The following SEC24D variants were observed in gnomAD, a reference collection of about 807,000 sequenced individuals.
SEC24D encodes the protein protein transport protein Sec24D.
SEC24D carries 69 observed loss-of-function variants against 116.9 expected under a neutral mutation model. The ratio of observed to expected loss-of-function variants is 0.59; its 90% CI spans 0.49 to 0.72. SEC24D has a LOEUF of 0.72. Ranked by LOEUF, SEC24D falls within the 30% of genes least tolerant of loss-of-function variation. The pLI is 0.00. For missense variants in SEC24D, 1,131 were observed against 1,264.1 expected (o/e 0.89, Z 1.60); for synonymous variants, 405 against 442.8 (o/e 0.91, Z 1.07).
intron 11 of SEC24D, among the ~76,000 whole-genome samples, chr4:118,757,031 A>G (rs992649582): frequency 2.0e-5 from 3 of 152,074 alleles, no homozygotes; most frequent in Admixed American, 6.6e-5. Flanking sequence ...GTAACTTTAT[A>G]TTTCTTATGG....
At chr4:118,769,300 T>C (rs1727788843) in intron 8 of SEC24D, among the ~76,000 whole-genome samples, 1 of 152,194 alleles carries the variant, frequency 6.6e-6, no homozygotes, top group Admixed American at 6.5e-5. Flanking sequence ...GATACATCTT[T>C]TACAGTTTAA....
chr4:118,811,258 T>C (rs1729910828), intron 6 of SEC24D, among the ~76,000 whole-genome samples: 1 of 152,210 alleles, frequency 6.6e-6, no homozygotes, highest in African/African-American at 2.4e-5. Context: ...AAGGAAAGCT[T>C]CTTTTATTAA....
intron 8 of SEC24D, among the ~76,000 whole-genome samples, chr4:118,768,672 G>A (rs939924984): frequency 3.3e-5 from 5 of 152,222 alleles, no homozygotes; most frequent in Non-Finnish European, 7.3e-5. Context: ...TGGGATTACA[G>A]GCGTAAGCCA....
intron 6 of SEC24D, among the ~76,000 whole-genome samples, chr4:118,810,933 G>A (rs1578463081): frequency 6.6e-6 from 1 of 152,076 alleles, no homozygotes; most frequent in Non-Finnish European, 1.5e-5. Flanking sequence ...GCAAATGGGT[G>A]GAATCCCAGA....
intron 7 of SEC24D, among the ~76,000 whole-genome samples, chr4:118,801,239 G>A (rs1729430151): frequency 1.3e-5 from 2 of 151,022 alleles, no homozygotes; most frequent in South Asian, 4.2e-4. Flanking sequence ...TCCAGCCTGG[G>A]CGACAGAGCA....
At chr4:118,824,153 T>C (rs184011151) in intron 3 of SEC24D, among the ~76,000 whole-genome samples, 19 of 152,290 alleles carry the variant, frequency 1.2e-4, no homozygotes, top group African/African-American at 4.6e-4. Context: ...ATAACTTTTC[T>C]TGTTTTTTTT....
intron 8 of SEC24D, among the ~76,000 whole-genome samples, chr4:118,790,133 G>C (rs757926464): frequency 1.3e-5 from 2 of 152,150 alleles, no homozygotes; most frequent in Non-Finnish European, 2.9e-5. Context: ...GAGTAAGGAG[G>C]GGATTAAAAC....
chr4:118,775,585 G>A (rs956432416), intron 8 of SEC24D, among the ~76,000 whole-genome samples: 1 of 152,058 alleles, frequency 6.6e-6, no homozygotes, highest in Non-Finnish European at 1.5e-5. Context: ...ATTTTGAGGA[G>A]AGCCTTCAAA....
intron 8 of SEC24D, among the ~76,000 whole-genome samples, chr4:118,769,179 C>CA (rs1450536080): frequency 6.6e-6 from 1 of 152,054 alleles, no homozygotes; most frequent in Non-Finnish European, 1.5e-5. Flanking sequence ...GTTAGTTTAT[C>CA]AGAAAAAAAC....
chr4:118,765,922 A>C (rs997187756), intron 9 of SEC24D, among the ~76,000 whole-genome samples: 2 of 152,144 alleles, frequency 1.3e-5, no homozygotes, highest in Non-Finnish European at 2.9e-5. Context: ...TCTTATGCAC[A>C]TATGGATCTC....
At chr4:118,831,984 C>T (rs912588485) in intron 2 of SEC24D, among the ~76,000 whole-genome samples, 5 of 152,132 alleles carry the variant, frequency 3.3e-5, no homozygotes, top group Admixed American at 6.5e-5. Flanking sequence ...GGGTGGATCA[C>T]GTGAGGTCAG....
intron 17 of SEC24D, 48 bp downstream of exon 17, chr4:118,740,615 T>C: frequency 6.3e-7 from 1 of 1,599,840 alleles, no homozygotes; most frequent in Non-Finnish European, 8.6e-7. Context: ...CTGATCATTG[T>C]CGGCAACAAA....
At position 118,723,984 on chromosome 4, in the gene SEC24D, C is replaced by G. The variant is rs1375818454; in HGVS notation, c.2959-329G>C. 2.0e-5 allele frequency among the ~76,000 whole-genome samples: 3 copies of G among 152,168 alleles called. No homozygotes were observed. In the East Asian group the frequency reaches 5.8e-4, roughly 29 times the overall value. ...GTGTTCCATACTGGAATACATGTGCCATGTACCAGAGATACAATTATGGCT... is the reference window on the plus strand; with the variant it reads ...GTGTTCCATACTGGAATACATGTGCGATGTACCAGAGATACAATTATGGCT... On this transcript the variant is annotated intron_variant, in intron 22 of 22. Transcript: ENST00000280551.
intron 6 of SEC24D, among the ~76,000 whole-genome samples, chr4:118,806,160 G>A (rs1729667624): frequency 6.6e-6 from 1 of 151,978 alleles, no homozygotes. Flanking sequence ...AATTGTCATG[G>A]AAAAACCTAC....
intron 10 of SEC24D, chr4:118,758,550 G>A (rs1727225294): frequency 2.6e-5 from 4 of 152,228 alleles, no homozygotes; most frequent in Admixed American, 2.6e-4. Context: ...TGTTCAAACA[G>A]CTTTTAGGAA....
At chr4:118,731,172 T>C in intron 21 of SEC24D, 144 bp downstream of exon 21, 1 of 706,092 alleles carries the variant, frequency 1.4e-6, no homozygotes, top group Non-Finnish European at 2.3e-6. Context: ...TTGATATTGA[T>C]CAAAACATGA....
At chr4:118,734,959 T>C (rs374236661) in intron 19 of SEC24D, among the ~76,000 whole-genome samples, 1 of 152,254 alleles carries the variant, frequency 6.6e-6, no homozygotes, top group South Asian at 2.1e-4. Flanking sequence ...TTAGCCATTT[T>C]ACATGTTATC....
chr4:118,740,948 G>A lies in SEC24D; in HGVS notation c.2085C>T (p.Thr695=), dbSNP rs779643515. 6.3e-6 allele frequency: 10 copies of A among 1,598,522 alleles called. No homozygotes were observed. The highest frequency in any genetic ancestry group is 8.5e-6 in the Non-Finnish European group (10 of 1,170,368). ...TGTATAAATGATAATTACCTGTGCT[G>A]GTACGAACCCTCATAATAGCATCAA... The part of the protein sequence containing the change: ...IGFDAIMRVR[T]STGFRATDFF... Residue 695 remains threonine (T), a synonymous_variant, in exon 16 of 23, where the codon ACC becomes ACT. Coordinates refer to ENST00000280551, the MANE Select transcript of SEC24D (RefSeq NM_014822.4).
intron 7 of SEC24D, among the ~76,000 whole-genome samples, chr4:118,798,248 A>G (rs1729269538): frequency 5.9e-5 from 9 of 152,314 alleles, no homozygotes; most frequent in Admixed American, 5.2e-4. Flanking sequence ...TTTGTATACT[A>G]TTTCATATTA....
Sources: allele counts gnomAD v4.1 joint callset (sites outside exome capture counted in the v4.1 genomes callset), GRCh38; gene constraint gnomAD v4.1.1; transcripts MANE v1.5; gene names NCBI Gene and HGNC (gene_info 2026-07-23, HGNC 2026-07-21).